ENPEP: variants seen among roughly 807,000 people sequenced by gnomAD.
ENPEP encodes the protein glutamyl aminopeptidase.
ENPEP carries 103 observed loss-of-function variants against 114.5 expected under a neutral mutation model. The observed-to-expected ratio is 0.90, with a 90% CI of 0.77 to 1.06. The LOEUF (loss-of-function observed/expected upper bound fraction) is 1.06, where lower values mean the gene tolerates loss of function less well. Among genes scored for constraint, ENPEP ranks in the 50% least tolerant of loss-of-function variants. The pLI, the probability that ENPEP is intolerant of heterozygous loss-of-function variation, is 0.00. For synonymous variants in ENPEP, 420 were observed against 422.0 expected (o/e 1.00, Z 0.06); for missense variants, 1,196 against 1,161.3 (o/e 1.03, Z -0.43).
chr4:110,499,064 G>A (rs1725054019), intron 3 of ENPEP, among the ~76,000 whole-genome samples: 1 of 152,098 alleles, frequency 6.6e-6, no homozygotes, highest in Non-Finnish European at 1.5e-5. Context: ...AGCCTATTTT[G>A]AAAGTCAAAA....
Position 110,549,598 on chromosome 4 carries a change from T to C in ENPEP, c.2296T>C (p.Ser766Pro). 1 of 1,613,650 alleles carries C rather than the reference T, an allele frequency of 6.2e-7. No individual in the cohort carries two copies. Among genetic ancestry groups the C allele is most frequent in the Non-Finnish European group, 8.5e-7 (1 of 1,179,682 alleles). ...GDREALNNAS[S>P]LFEQWLNGTV... is the part of the protein sequence containing the mutation. ...CAGAGAAGCCTTGAACAATGCTTCC[T>C]CGTTATTTGAGCAGTGGCTAAATGG... Residue 766 changes from serine to proline, a missense_variant, in exon 16 of 20, where the codon TCG (serine) becomes CCG (proline). Physicochemically the swap from Ser to Pro is moderately conservative, Grantham distance 74. Coordinates refer to ENST00000265162, the MANE Select transcript of ENPEP (RefSeq NM_001977.4).
chr4:110,530,041 A>G (rs1726345637), intron 10 of ENPEP, among the ~76,000 whole-genome samples: 1 of 151,760 alleles, frequency 6.6e-6, no homozygotes, highest in Non-Finnish European at 1.5e-5. Context: ...GTGCCATTGC[A>G]CTCCAGCCTG....
chr4:110,536,380 T>C (rs946234347), intron 11 of ENPEP, among the ~76,000 whole-genome samples: 1 of 152,182 alleles, frequency 6.6e-6, no homozygotes, highest in Non-Finnish European at 1.5e-5. Flanking sequence ...TTCTTATGGC[T>C]TTACCATCCC....
chr4:110,543,719 G>A (rs1350873405), intron 13 of ENPEP, among the ~76,000 whole-genome samples: 1 of 151,802 alleles, frequency 6.6e-6, no homozygotes, highest in Admixed American at 6.6e-5. Context: ...GCACTTTGCA[G>A]AAGCTGAGGA....
rs147216141 is a variant in ENPEP at position 110,502,166 on chromosome 4, C to T, written c.919-4471C>T. On this transcript the variant is annotated intron_variant, in intron 3 of 19. Coordinates refer to ENST00000265162, the MANE Select transcript of ENPEP (RefSeq NM_001977.4). ...TTTGCTTGCTGATTTAAGTTCTTTACAGATTCTGGATATTTTACCTTAGTT... is the reference window on the plus strand; with the variant it reads ...TTTGCTTGCTGATTTAAGTTCTTTATAGATTCTGGATATTTTACCTTAGTT... 5.0e-3 allele frequency among the ~76,000 whole-genome samples: 761 copies of T among 152,192 alleles called. 4 individuals are homozygous for T. Among genetic ancestry groups the T allele is most frequent in the African/African-American group, 0.018 (737 of 41,546 alleles).
intron 3 of ENPEP, among the ~76,000 whole-genome samples, chr4:110,495,135 C>T (rs1724878868): frequency 6.6e-6 from 1 of 152,076 alleles, no homozygotes; most frequent in Non-Finnish European, 1.5e-5. Context: ...CATGAGAGTT[C>T]AGCACAAAGT....
intron 1 of ENPEP, among the ~76,000 whole-genome samples, chr4:110,482,409 A>G (rs533828745): frequency 2.6e-5 from 4 of 152,222 alleles, no homozygotes; most frequent in Non-Finnish European, 5.9e-5. Context: ...TCGTAAGTTC[A>G]GTGTCAGATG....
intron 2 of ENPEP, 64 bp from the exon 3 acceptor site, chr4:110,490,969 G>T (rs535983534): frequency 1.3e-6 from 2 of 1,522,270 alleles, no homozygotes; most frequent in Admixed American, 2.1e-5. Context: ...CCGTTTATTT[G>T]TTTGTCTTGC....
In ENPEP at chr4:110,563,266, A is replaced by G. The variant is rs1254209781; in HGVS notation, c.*1708A>G. 1 of 152,162 alleles carries G rather than the reference A, an allele frequency of 6.6e-6. No homozygotes were observed. Among genetic ancestry groups the G allele is most frequent in the Non-Finnish European group, 1.5e-5 (1 of 68,006 alleles). 9.4% of individuals were successfully genotyped at this position (152,162 alleles called of 1,614,324 possible). On this transcript the variant is annotated 3_prime_UTR_variant, in exon 20 of 20. Transcript: ENST00000265162. ...ATGGTTTATCCTTCTGTTTTATGAA[A>G]TTAATACATTTTAAAAGAAAAATGT...
chr4:110,498,457 A>G (rs1489154558), intron 3 of ENPEP, among the ~76,000 whole-genome samples: 1 of 152,090 alleles, frequency 6.6e-6, no homozygotes, highest in Non-Finnish European at 1.5e-5. Context: ...TTTATCATCT[A>G]TAAATATATA....
chr4:110,533,380 T>C (rs1726477081), intron 11 of ENPEP: 1 of 159,080 alleles, frequency 6.3e-6, no homozygotes, highest in Admixed American at 6.3e-5. Flanking sequence ...GTATTGCTTA[T>C]GTGCAAAACA....
intron 10 of ENPEP, among the ~76,000 whole-genome samples, chr4:110,522,546 G>A (rs1260020069): frequency 1.3e-5 from 2 of 151,996 alleles, no homozygotes; most frequent in Admixed American, 1.3e-4. Context: ...ACATAATAGA[G>A]GACACAAGGA....
chr4:110,529,294 C>T (rs868755281), intron 10 of ENPEP, among the ~76,000 whole-genome samples: 1 of 152,120 alleles, frequency 6.6e-6, no homozygotes, highest in Non-Finnish European at 1.5e-5. Context: ...CAGACCAGTG[C>T]AAGTGAGGTA....
chr4:110,500,275 G>A (rs1481796139), intron 3 of ENPEP: 1 of 152,172 alleles, frequency 6.6e-6, no homozygotes, highest in Non-Finnish European at 1.5e-5. Flanking sequence ...CATTACAGCA[G>A]GCTCCAATAT....
At chr4:110,497,955 C>A (rs1725003986) in intron 3 of ENPEP, among the ~76,000 whole-genome samples, 1 of 152,150 alleles carries the variant, frequency 6.6e-6, no homozygotes, top group African/African-American at 2.4e-5. Context: ...ACATTAATGG[C>A]ATGTTCAGTA....
At chr4:110,549,443 A>G in intron 15 of ENPEP, 24 bp downstream of exon 15, 2 of 1,612,622 alleles carry the variant, frequency 1.2e-6, no homozygotes, top group Non-Finnish European at 8.5e-7. Flanking sequence ...TTTAACAACT[A>G]AAATTCATTT....
At position 110,563,971 on chromosome 4, in the gene ENPEP, G is replaced by C. The variant is rs1023130854; in HGVS notation, c.*2413G>C. 5 of 152,114 alleles carry C rather than the reference G, an allele frequency of 3.3e-5. No homozygotes were observed. Among genetic ancestry groups the C allele is most frequent in the African/African-American group, 1.2e-4 (5 of 41,414 alleles). The allele number at this position is 152,114 out of a possible 1,614,324, so 9.4% of individuals were successfully genotyped here. ...GTCCAAAAGTAGAAACAACAGAGTA[G>C]GGGCAAAAATCTAGAACAATAATTC... is the stretch of plus-strand genomic sequence containing the variant. On this transcript the variant is annotated 3_prime_UTR_variant, in exon 20 of 20. Transcript: ENST00000265162.
At chr4:110,514,578 C>T (rs1202158182) in intron 7 of ENPEP, among the ~76,000 whole-genome samples, 1 of 152,002 alleles carries the variant, frequency 6.6e-6, no homozygotes, top group Middle Eastern at 3.2e-3. Flanking sequence ...GTCCTAGATA[C>T]TCCTCAGGTT....
At chr4:110,538,743 T>A (rs1726738516) in intron 11 of ENPEP, among the ~76,000 whole-genome samples, 1 of 152,214 alleles carries the variant, frequency 6.6e-6, no homozygotes, top group Non-Finnish European at 1.5e-5. Flanking sequence ...TATTTTAATT[T>A]AAAGTGAGAG....
Sources: gnomAD v4.1 joint callset for allele counts (sites outside exome capture counted in the v4.1 genomes callset) on GRCh38, gnomAD v4.1.1 for gene constraint, MANE v1.5 for transcripts, NCBI Gene and HGNC (gene_info 2026-07-23, HGNC 2026-07-21) for gene names.